Variants in TTC33 observed in about 807,000 individuals in gnomAD.
TTC33 encodes the protein tetratricopeptide repeat domain 33.
Under a neutral mutation model 29.4 loss-of-function variants are expected in TTC33, and 24 were observed. The observed-to-expected ratio is 0.82, with a 90% confidence interval of 0.59 to 1.15. TTC33 has a LOEUF of 1.15. TTC33 is among the 50% of genes most tolerant of loss of function. The pLI is 0.00. For synonymous variants in TTC33, 107 were observed against 100.3 expected (o/e 1.07, Z -0.40); for missense variants, 286 against 310.4 (o/e 0.92, Z 0.59).
At chr5:40,719,213 T>C (rs1410846860) in intron 4 of TTC33, among the ~76,000 whole-genome samples, 1 of 152,200 alleles carries the variant, frequency 6.6e-6, no homozygotes, top group Non-Finnish European at 1.5e-5. Flanking sequence ...TGGCAGTTAC[T>C]CCTCATTTCT....
Position 40,713,678 on chromosome 5 carries a change from T to C in TTC33, c.*2467A>G, listed in dbSNP as rs2111852935. Reference sequence around the variant, plus strand: ...ATGTCTAGACACTCTGACTAATGAGTGTCTATGCCATACAATTCTCAAACA... The same window carrying C: ...ATGTCTAGACACTCTGACTAATGAGCGTCTATGCCATACAATTCTCAAACA... On this transcript the variant is annotated 3_prime_UTR_variant, in exon 5 of 5. Transcript: ENST00000337702. Among the ~76,000 whole-genome samples, 1 of 152,292 alleles carries C rather than the reference T, an allele frequency of 6.6e-6. No homozygotes were observed. The highest frequency in any genetic ancestry group is 1.9e-4 in the East Asian group (1 of 5,188).
chr5:40,732,512 C>T (rs571812307), intron 2 of TTC33, among the ~76,000 whole-genome samples: 1 of 151,884 alleles, frequency 6.6e-6, no homozygotes, highest in South Asian at 2.1e-4. Flanking sequence ...TTTTTGTCTT[C>T]TCTTCTCTAA....
intron 2 of TTC33, among the ~76,000 whole-genome samples, chr5:40,740,647 T>C (rs1251732927): frequency 6.6e-6 from 1 of 152,176 alleles, no homozygotes; most frequent in East Asian, 1.9e-4. Context: ...AACTCTGACT[T>C]GACGACTATC....
chr5:40,723,616 G>A (rs1280139332), intron 4 of TTC33, among the ~76,000 whole-genome samples: 1 of 152,046 alleles, frequency 6.6e-6, no homozygotes, highest in Non-Finnish European at 1.5e-5. Context: ...TATAATCCCA[G>A]CACTGTGGGA....
intron 2 of TTC33, among the ~76,000 whole-genome samples, chr5:40,735,054 G>A (rs1742519975): frequency 6.6e-6 from 1 of 152,168 alleles, no homozygotes; most frequent in Non-Finnish European, 1.5e-5. Flanking sequence ...GAAGAACCTG[G>A]GGCAGGACCA....
chr5:40,725,150 A>ATTT (rs1221514002), intron 4 of TTC33, among the ~76,000 whole-genome samples: 2 of 139,288 alleles, frequency 1.4e-5, no homozygotes, highest in Non-Finnish European at 3.2e-5. Flanking sequence ...GCCCAGCCAA[A>ATTT]TTTTTTTTTT....
chr5:40,742,280 T>C (rs1183349096), intron 2 of TTC33, among the ~76,000 whole-genome samples: 3 of 152,110 alleles, frequency 2.0e-5, no homozygotes, highest in Non-Finnish European at 4.4e-5. Flanking sequence ...TGAAGAAATA[T>C]ATAGCCAATC....
chr5:40,731,480 G>A (rs1018489986), intron 2 of TTC33, among the ~76,000 whole-genome samples: 1 of 152,206 alleles, frequency 6.6e-6, no homozygotes, highest in Admixed American at 6.5e-5. Context: ...CAGGGCTGGG[G>A]AGGCCTCAGG....
intron 1 of TTC33, among the ~76,000 whole-genome samples, 185 bp downstream of exon 1, chr5:40,755,639 G>A (rs1742972289): frequency 6.6e-6 from 1 of 152,176 alleles, no homozygotes; most frequent in South Asian, 2.1e-4. Context: ...GATCCCGTCG[G>A]GTTTCAACTC....
intron 4 of TTC33, among the ~76,000 whole-genome samples, chr5:40,723,682 T>C (rs1420642833): frequency 6.6e-6 from 1 of 151,934 alleles, no homozygotes; most frequent in Non-Finnish European, 1.5e-5. Flanking sequence ...CTGGCCAACA[T>C]GGCAAAACCC....
At chr5:40,751,415 T>G (rs1293481732) in intron 1 of TTC33, among the ~76,000 whole-genome samples, 1 of 152,250 alleles carries the variant, frequency 6.6e-6, no homozygotes, top group East Asian at 1.9e-4. Flanking sequence ...TAAACAGATG[T>G]GCCATCATCC....
At chr5:40,732,773 T>A (rs1488252518) in intron 2 of TTC33, among the ~76,000 whole-genome samples, 2 of 152,118 alleles carry the variant, frequency 1.3e-5, no homozygotes, top group Non-Finnish European at 2.9e-5. Flanking sequence ...CACACCTGGC[T>A]AATTTTTGTT....
chr5:40,752,106 G>A (rs570381812), intron 1 of TTC33, among the ~76,000 whole-genome samples: 10 of 152,128 alleles, frequency 6.6e-5, no homozygotes, highest in African/African-American at 1.9e-4. Flanking sequence ...CCTCACAAAC[G>A]AACCTCTAGC....
At position 40,714,341 on chromosome 5, in the gene TTC33, G is replaced by A. The variant is rs1447835116; in HGVS notation, c.*1804C>T. 6.6e-6 allele frequency: 1 copy of A among 152,194 alleles called. No individual in the cohort carries two copies. Among genetic ancestry groups the A allele is most frequent in the East Asian group, 1.9e-4 (1 of 5,256 alleles). The allele number at this position is 152,194 out of a possible 1,614,324, so 9.4% of individuals were successfully genotyped here. ...GAAATAGCTAGCATTTACTGAAATA[G>A]CTGGCATTACTTCATGTGTGAGGCA... is the stretch of plus-strand genomic sequence containing the variant. On this transcript the variant is annotated 3_prime_UTR_variant, in exon 5 of 5. Coordinates refer to ENST00000337702, the MANE Select transcript of TTC33 (RefSeq NM_012382.3).
At chr5:40,718,652 C>A (rs1423669522) in intron 4 of TTC33, among the ~76,000 whole-genome samples, 1 of 151,734 alleles carries the variant, frequency 6.6e-6, no homozygotes, top group Admixed American at 6.6e-5. Context: ...GCATGAGAAT[C>A]GCTTGAACCC....
At chr5:40,725,036 G>A (rs1049306599) in intron 4 of TTC33, among the ~76,000 whole-genome samples, 14 of 151,718 alleles carry the variant, frequency 9.2e-5, no homozygotes, top group African/African-American at 3.1e-4. Flanking sequence ...TAGTAGAGAC[G>A]ACGTTTCACC....
At chr5:40,738,490 AATACAATAC>A (rs1561151148) in intron 2 of TTC33, among the ~76,000 whole-genome samples, 2 of 137,344 alleles carry the variant, frequency 1.5e-5, no homozygotes, top group African/African-American at 2.8e-5. Context: ...AATACAATAC[AATACAATAC>A]AATACAATAA....
intron 1 of TTC33, among the ~76,000 whole-genome samples, chr5:40,754,330 A>G (rs1049445499): frequency 6.6e-6 from 1 of 152,206 alleles, no homozygotes; most frequent in African/African-American, 2.4e-5. Flanking sequence ...AGACAAAAAA[A>G]GGAGTTAATA....
intron 4 of TTC33, among the ~76,000 whole-genome samples, chr5:40,718,443 T>C (rs1237699233): frequency 1.3e-5 from 2 of 150,092 alleles, no homozygotes. Context: ...CAGAGATAGG[T>C]ATATAAAGCA....
Sources: allele counts gnomAD v4.1 joint callset (sites outside exome capture counted in the v4.1 genomes callset), GRCh38; gene constraint gnomAD v4.1.1; transcripts MANE v1.5; gene names NCBI Gene and HGNC (gene_info 2026-07-23, HGNC 2026-07-21).